DLG2: variants seen among roughly 807,000 people sequenced by gnomAD.
The protein encoded by DLG2 is discs large MAGUK scaffold protein 2, also known as disks large homolog 2.
DLG2 carries 45 observed loss-of-function variants against 132.5 expected under a neutral mutation model. The observed-to-expected ratio is 0.34, with a 90% confidence interval of 0.27 to 0.44. The LOEUF (loss-of-function observed/expected upper bound fraction) is 0.44, where lower values mean the gene tolerates loss of function less well. Ranked by LOEUF, DLG2 falls within the 20% of genes least tolerant of loss-of-function variation. The probability of loss-of-function intolerance (pLI) is 1.00; values close to 1 mark genes in which losing one functional copy is unlikely to be tolerated. For missense variants in DLG2, 1,045 were observed against 1,196.9 expected (o/e 0.87, Z 1.87); for synonymous variants, 424 against 419.6 (o/e 1.01, Z -0.13).
intron 18 of DLG2, among the ~76,000 whole-genome samples, chr11:83,659,304 A>G (rs2073621375): frequency 6.6e-6 from 1 of 152,220 alleles, no homozygotes; most frequent in Non-Finnish European, 1.5e-5. Flanking sequence ...TAAAACAGAG[A>G]GAGAGAGAGA....
chr11:84,405,072 GA>G (rs1395739265), intron 7 of DLG2, among the ~76,000 whole-genome samples: 2 of 152,154 alleles, frequency 1.3e-5, no homozygotes, highest in African/African-American at 4.8e-5. Flanking sequence ...TAATAAGGAA[GA>G]GGGGGGAGAA....
At chr11:84,592,723 C>G (rs111337384) in intron 6 of DLG2, among the ~76,000 whole-genome samples, 2 of 151,668 alleles carry the variant, frequency 1.3e-5, no homozygotes, top group Non-Finnish European at 2.9e-5. Flanking sequence ...AAAAGCTCAT[C>G]ATCACTGGTC....
At chr11:83,664,764 C>T (rs2075151941) in intron 18 of DLG2, among the ~76,000 whole-genome samples, 1 of 152,162 alleles carries the variant, frequency 6.6e-6, no homozygotes, top group Non-Finnish European at 1.5e-5. Context: ...CTTTGAAAAG[C>T]TAACTGATGT....
At chr11:85,277,213 T>C (rs776390476) in intron 4 of DLG2, among the ~76,000 whole-genome samples, 1 of 152,114 alleles carries the variant, frequency 6.6e-6, no homozygotes, top group Non-Finnish European at 1.5e-5. Context: ...CCTAGGGAGG[T>C]AGAGCTACAA....
chr11:84,353,023 G>A (rs1229051112), intron 7 of DLG2, among the ~76,000 whole-genome samples: 1 of 151,842 alleles, frequency 6.6e-6, no homozygotes, highest in Non-Finnish European at 1.5e-5. Flanking sequence ...TTTTTCCATG[G>A]GCACTTAAAT....
intron 6 of DLG2, among the ~76,000 whole-genome samples, chr11:84,866,791 A>G (rs1010488037): frequency 2.6e-5 from 4 of 152,166 alleles, no homozygotes; most frequent in Non-Finnish European, 4.4e-5. Flanking sequence ...AAGTGAAGAA[A>G]CTTAAAAAGT....
At chr11:84,954,685 T>A (rs2051408157) in intron 6 of DLG2, among the ~76,000 whole-genome samples, 1 of 152,222 alleles carries the variant, frequency 6.6e-6, no homozygotes, top group African/African-American at 2.4e-5. Context: ...TTGACCTTTG[T>A]GACGCTTTAC....
intron 3 of DLG2, among the ~76,000 whole-genome samples, chr11:85,493,026 T>A (rs2093597309): frequency 6.6e-6 from 1 of 152,118 alleles, no homozygotes; most frequent in Non-Finnish European, 1.5e-5. Context: ...AGAGCTTTAT[T>A]TTAAAAACCA....
intron 14 of DLG2, among the ~76,000 whole-genome samples, chr11:83,946,162 G>A (rs896964111): frequency 7.9e-5 from 12 of 151,868 alleles, no homozygotes; most frequent in South Asian, 6.2e-4. Flanking sequence ...ACTAATTTCC[G>A]TATTTTTAGG....
At chr11:83,712,288 A>C (rs1034771461) in intron 18 of DLG2, among the ~76,000 whole-genome samples, 6 of 152,320 alleles carry the variant, frequency 3.9e-5, no homozygotes, top group Admixed American at 3.9e-4. Context: ...GACTAGATAA[A>C]GAAAATGTCG....
chr11:84,077,262 TAGTCTG>T lies in DLG2; in HGVS notation c.750-17784_750-17779del, dbSNP rs1240509941. Among the ~76,000 whole-genome samples the T allele has an allele frequency of 2.6e-5, 4 of 152,240 alleles. No homozygotes were observed. The South Asian group carries it at 6.2e-4, about 24-fold the overall frequency. ...TTCCCAAACTCTCTTTATCTCATTC[TAGTCTG>T]AGTTTCCTCACAAAGCCCCTACCAA... On this transcript the variant is annotated intron_variant, in intron 10 of 27. Coordinates refer to ENST00000376104, the MANE Select transcript of DLG2 (RefSeq NM_001142699.3).
At chr11:84,220,780 C>CTTTTTTTTTTTT (rs5793114) in intron 8 of DLG2, among the ~76,000 whole-genome samples, 204 of 77,504 alleles carry the variant, frequency 2.6e-3, no homozygotes, top group East Asian at 5.5e-3. Context: ...TTTTTCTTTT[C>CTTTTTTTTTTTT]TTTTTTTTTT....
intron 7 of DLG2, among the ~76,000 whole-genome samples, chr11:84,365,163 G>A (rs1473204606): frequency 3.3e-5 from 5 of 152,100 alleles, no homozygotes; most frequent in East Asian, 3.9e-4. Flanking sequence ...TGGTTGGTAA[G>A]CTATTGATTA....
At chr11:84,552,023 T>C (rs2099402721) in intron 6 of DLG2, among the ~76,000 whole-genome samples, 1 of 152,120 alleles carries the variant, frequency 6.6e-6, no homozygotes, top group Non-Finnish European at 1.5e-5. Flanking sequence ...AAGGCCAAGA[T>C]GGTTTACATT....
At chr11:85,485,383 A>G (rs286506) in intron 3 of DLG2, among the ~76,000 whole-genome samples, 117,043 of 152,152 alleles carry the variant, frequency 0.77, 46,495 homozygotes, top group Middle Eastern at 0.91. Flanking sequence ...ATAGAAAAAA[A>G]AAAGATGCAA....
intron 3 of DLG2, among the ~76,000 whole-genome samples, chr11:85,433,759 C>A (rs1371856712): frequency 6.6e-6 from 1 of 152,034 alleles, no homozygotes; most frequent in Non-Finnish European, 1.5e-5. Context: ...GACAAATCAG[C>A]AAGATAGAAA....
chr11:84,560,912 G>A (rs969501844), intron 6 of DLG2, among the ~76,000 whole-genome samples: 4 of 152,028 alleles, frequency 2.6e-5, no homozygotes, highest in Non-Finnish European at 4.4e-5. Flanking sequence ...CTTCAACACA[G>A]ATTTATTGGG....
At chr11:83,869,272 A>T (rs1479667311) in intron 16 of DLG2, among the ~76,000 whole-genome samples, 1 of 152,184 alleles carries the variant, frequency 6.6e-6, no homozygotes, top group Non-Finnish European at 1.5e-5. Flanking sequence ...TTAGGTCAGC[A>T]TCATCCTGGG....
intron 6 of DLG2, chr11:84,545,449 T>C (rs1229983440): frequency 2.3e-6 from 1 of 439,470 alleles, no homozygotes; most frequent in African/African-American, 2.0e-5. Flanking sequence ...CAATCATAGT[T>C]CATACCAAAA....
Sources: gnomAD v4.1 joint callset for allele counts (sites outside exome capture counted in the v4.1 genomes callset) on GRCh38, gnomAD v4.1.1 for gene constraint, MANE v1.5 for transcripts, NCBI Gene and HGNC (gene_info 2026-07-23, HGNC 2026-07-21) for gene names.